DLG2: variants seen among roughly 807,000 people sequenced by gnomAD.
The protein encoded by DLG2 is disks large homolog 2.
In DLG2, 45 loss-of-function variants were observed where a neutral mutation model predicts 132.5. That is an observed-to-expected ratio of 0.34 (90% CI 0.27 to 0.44). The LOEUF (loss-of-function observed/expected upper bound fraction) is 0.44, where lower values mean the gene tolerates loss of function less well. Ranked by LOEUF, DLG2 falls within the 20% of genes least tolerant of loss-of-function variation. The pLI is 1.00. For synonymous variants in DLG2, 424 were observed against 419.6 expected, an observed-to-expected ratio of 1.01 and a Z score of -0.13; for missense variants, 1,045 against 1,196.9, an observed-to-expected ratio of 0.87 and a Z score of 1.87.
intron 7 of DLG2, among the ~76,000 whole-genome samples, chr11:84,525,377 A>T (rs1186223278): frequency 6.6e-6 from 1 of 152,100 alleles, no homozygotes; most frequent in Non-Finnish European, 1.5e-5. Flanking sequence ...TCATTTCATG[A>T]TACATCCTCT....
chr11:84,744,915 A>G lies in DLG2; in HGVS notation c.358-210184T>C, dbSNP rs1010836699. On this transcript the variant is annotated intron_variant, in intron 6 of 27. Transcript: ENST00000376104. ...TAAAGGTCTAAAAAAAAAAAAAAAA[A>G]AAAAGAAACCTGGACAAATCACCTC... 4.0e-4 allele frequency among the ~76,000 whole-genome samples: 61 copies of G among 151,148 alleles called. 3 individuals carry two copies. The highest frequency in any genetic ancestry group is 1.2e-3 in the African/African-American group (50 of 41,428).
intron 3 of DLG2, among the ~76,000 whole-genome samples, chr11:85,578,675 A>G (rs2078315206): frequency 1.3e-5 from 2 of 152,206 alleles, no homozygotes; most frequent in Admixed American, 1.3e-4. Context: ...TCAAAACTAC[A>G]ATGAGATACC....
chr11:85,219,110 T>G (rs1223951798), intron 4 of DLG2, among the ~76,000 whole-genome samples: 2 of 152,122 alleles, frequency 1.3e-5, no homozygotes, highest in African/African-American at 4.8e-5. Flanking sequence ...GTTGAAAAAC[T>G]ACCTATCAGG....
intron 4 of DLG2, among the ~76,000 whole-genome samples, chr11:85,196,395 C>G (rs1049207950): frequency 3.9e-5 from 6 of 152,238 alleles, no homozygotes; most frequent in African/African-American, 1.4e-4. Flanking sequence ...GCAAAGTATG[C>G]AATCCTAACT....
intron 16 of DLG2, among the ~76,000 whole-genome samples, chr11:83,834,250 A>G (rs750504222): frequency 2.0e-5 from 3 of 152,196 alleles, no homozygotes; most frequent in Non-Finnish European, 4.4e-5. Flanking sequence ...GAAGATTCTG[A>G]GACATTAAGA....
Position 83,469,404 on chromosome 11 carries a change from G to A in DLG2, c.2447-31C>T, listed in dbSNP as rs188274342. 11 of 1,578,854 alleles carry A rather than the reference G, an allele frequency of 7.0e-6. No individual in the cohort carries two copies. In the East Asian group the frequency reaches 2.5e-4, roughly 35 times the overall value. ...TAAAACAAAAAATGATAAAATTAAG[G>A]TGCATTTATACCCATAAACTTGCTT... On this transcript the variant is annotated intron_variant, in intron 24 of 27. Transcript: ENST00000376104.
chr11:84,191,971 C>T (rs768976339), intron 8 of DLG2, among the ~76,000 whole-genome samples: 2 of 142,598 alleles, frequency 1.4e-5, no homozygotes, highest in African/African-American at 2.6e-5. Flanking sequence ...CTATTCTTAT[C>T]AACTAGCCCC....
chr11:84,443,308 C>T (rs1421141084), intron 7 of DLG2, among the ~76,000 whole-genome samples: 1 of 149,106 alleles, frequency 6.7e-6, no homozygotes, highest in East Asian at 1.9e-4. Context: ...GAAATAAGTT[C>T]TTCATAATAT....
intron 3 of DLG2, among the ~76,000 whole-genome samples, chr11:85,393,538 T>C (rs1376898827): frequency 6.6e-6 from 1 of 151,884 alleles, no homozygotes; most frequent in Non-Finnish European, 1.5e-5. Flanking sequence ...AGCAGCACAA[T>C]TTGCAATTGC....
intron 14 of DLG2, among the ~76,000 whole-genome samples, chr11:83,940,273 C>T (rs2154138056): frequency 6.6e-6 from 1 of 152,298 alleles, no homozygotes; most frequent in African/African-American, 2.4e-5. Context: ...CTGTTGAGTA[C>T]ACCTGATTGT....
chr11:83,792,361 T>C (rs7479949), intron 17 of DLG2, among the ~76,000 whole-genome samples: 63,809 of 151,942 alleles, frequency 0.42, 13,710 homozygotes, highest in Middle Eastern at 0.61. Context: ...AGGCCATAAT[T>C]GAATTGCCCA....
chr11:84,357,449 C>A (rs561682218), intron 7 of DLG2, among the ~76,000 whole-genome samples: 1 of 152,144 alleles, frequency 6.6e-6, no homozygotes, highest in African/African-American at 2.4e-5. Flanking sequence ...TTCACCGCAG[C>A]ATTTTCCTCT....
intron 7 of DLG2, among the ~76,000 whole-genome samples, chr11:84,517,584 A>G (rs1459743927): frequency 1.3e-5 from 2 of 151,956 alleles, no homozygotes; most frequent in Admixed American, 1.3e-4. Flanking sequence ...AAAAGAGTAT[A>G]TAGAGCTTCT....
intron 7 of DLG2, among the ~76,000 whole-genome samples, chr11:84,279,725 A>G (rs1282883832): frequency 6.6e-6 from 1 of 152,090 alleles, no homozygotes; most frequent in African/African-American, 2.4e-5. Context: ...ACCAAACACC[A>G]CATGTTCTCA....
At chr11:84,510,592 G>A (rs561611734) in intron 7 of DLG2, among the ~76,000 whole-genome samples, 1 of 152,052 alleles carries the variant, frequency 6.6e-6, no homozygotes, top group Non-Finnish European at 1.5e-5. Flanking sequence ...TCATAGAATT[G>A]TTGTGAGGAA....
At chr11:83,565,909 T>C (rs184639519) in intron 19 of DLG2, among the ~76,000 whole-genome samples, 116 of 152,324 alleles carry the variant, frequency 7.6e-4, no homozygotes, top group African/African-American at 2.7e-3. Context: ...CAGAAGAGTG[T>C]ACCTGTTTTC....
chr11:84,228,775 C>A (rs2097047285), intron 8 of DLG2, among the ~76,000 whole-genome samples: 1 of 152,062 alleles, frequency 6.6e-6, no homozygotes, highest in Non-Finnish European at 1.5e-5. Context: ...TAATTTCAGC[C>A]CAATGCTTGT....
chr11:85,323,846 C>T (rs769387407), intron 3 of DLG2, among the ~76,000 whole-genome samples: 28 of 152,318 alleles, frequency 1.8e-4, no homozygotes, highest in South Asian at 4.1e-4. Flanking sequence ...TTCTTTTTAT[C>T]GCTGAATAAT....
chr11:83,655,702 G>A (rs979828188), intron 18 of DLG2, among the ~76,000 whole-genome samples: 13 of 152,054 alleles, frequency 8.5e-5, no homozygotes, highest in African/African-American at 3.1e-4. Flanking sequence ...AGAGTGTTTA[G>A]GCCAACTAAT....
Sources: gnomAD v4.1 joint callset for allele counts (sites outside exome capture counted in the v4.1 genomes callset) on GRCh38, gnomAD v4.1.1 for gene constraint, MANE v1.5 for transcripts, NCBI Gene and HGNC (gene_info 2026-07-23, HGNC 2026-07-21) for gene names.